PPA1: variants seen among roughly 807,000 people sequenced by gnomAD.
PPA1 encodes the protein inorganic pyrophosphatase.
In PPA1, 23 loss-of-function variants were observed where a neutral mutation model predicts 41.8. The ratio of observed to expected loss-of-function variants is 0.55; its 90% CI spans 0.40 to 0.78. The LOEUF (loss-of-function observed/expected upper bound fraction) is 0.78. Among genes scored for constraint, PPA1 ranks in the 30% least tolerant of loss-of-function variants. The probability of loss-of-function intolerance (pLI) is 0.00; values close to 1 mark genes in which losing one functional copy is unlikely to be tolerated. For missense variants in PPA1, 320 were observed against 361.6 expected, an observed-to-expected ratio of 0.89 and a Z score of 0.93; for synonymous variants, 101 against 116.8, an observed-to-expected ratio of 0.86 and a Z score of 0.87.
chr10:70,205,617 C>T (rs1839930935), intron 9 of PPA1: 1 of 152,012 alleles, frequency 6.6e-6, no homozygotes, highest in Non-Finnish European at 1.5e-5. Flanking sequence ...AAAGATAAAA[C>T]TAAATGTACT....
rs373390723 is a variant in PPA1, at chr10:70,208,730, A to G, written c.725+475T>C. Among the ~76,000 whole-genome samples, 14 of 151,932 alleles carry G rather than the reference A, an allele frequency of 9.2e-5. No homozygotes were observed. In the South Asian group the frequency reaches 2.7e-3, roughly 29 times the overall value. On this transcript the variant is annotated intron_variant, in intron 8 of 10. Transcript: ENST00000373232. ...CAATGTTTTCATTTTATAGGACATTATCCTGACACAGAATAGAAGATTTCT... is the reference window on the plus strand; with the variant it reads ...CAATGTTTTCATTTTATAGGACATTGTCCTGACACAGAATAGAAGATTTCT...
intron 1 of PPA1, among the ~76,000 whole-genome samples, chr10:70,233,026 C>T (rs975428079): frequency 8.5e-5 from 13 of 152,144 alleles, no homozygotes; most frequent in Non-Finnish European, 1.8e-4. Context: ...TACCCCGAGG[C>T]GTGACAAAGG....
At chr10:70,232,839 C>A (rs975522521) in intron 1 of PPA1, among the ~76,000 whole-genome samples, 1 of 151,398 alleles carries the variant, frequency 6.6e-6, no homozygotes, top group African/African-American at 2.5e-5. Flanking sequence ...GAATTAAGGT[C>A]TTTAGGAAGT....
At chr10:70,207,033 T>C (rs1839953247) in intron 8 of PPA1, among the ~76,000 whole-genome samples, 1 of 152,142 alleles carries the variant, frequency 6.6e-6, no homozygotes, top group African/African-American at 2.4e-5. Flanking sequence ...CCTGTAGTGT[T>C]GGTGAGACAT....
Position 70,221,754 on chromosome 10 carries a change from G to A in PPA1, c.124-2937C>T, listed in dbSNP as rs1396845973. The stretch of plus-strand genomic sequence containing the variant: ...AAAGATCAACTGAAGAGCTCGCCAA[G>A]ATTAGCTGTTAATTTCGTTAAAACA... On this transcript the variant is annotated intron_variant, in intron 2 of 10. Coordinates refer to ENST00000373232, the MANE Select transcript of PPA1 (RefSeq NM_021129.4). Among the ~76,000 whole-genome samples, 5 of 152,182 alleles carry A rather than the reference G, an allele frequency of 3.3e-5. No homozygotes were observed. The East Asian group carries it at 9.6e-4, about 29-fold the overall frequency.
chr10:70,207,674 T>C (rs1330936399), intron 8 of PPA1, among the ~76,000 whole-genome samples: 1 of 152,020 alleles, frequency 6.6e-6, no homozygotes, highest in Non-Finnish European at 1.5e-5. Flanking sequence ...ATTATATCTT[T>C]TATGACATGA....
At chr10:70,213,683 G>A in intron 5 of PPA1, 94 bp from the exon 6 acceptor site, 5 of 1,403,112 alleles carry the variant, frequency 3.6e-6, no homozygotes, top group Non-Finnish European at 4.8e-6. Flanking sequence ...AAGAGGCCAA[G>A]TTCTTGAGAA....
chr10:70,206,810 C>T (rs979350012), intron 8 of PPA1, among the ~76,000 whole-genome samples: 6 of 138,606 alleles, frequency 4.3e-5, no homozygotes, highest in African/African-American at 1.6e-4. Context: ...CGCCACTGCA[C>T]TCCAGCCTGG....
Position 70,202,989 on chromosome 10 carries a change from C to T in PPA1, c.*166G>A. 1 of 694,442 alleles carries T rather than the reference C, an allele frequency of 1.4e-6. No homozygotes were observed. Among genetic ancestry groups the T allele is most frequent in the Admixed American group, 2.9e-5 (1 of 34,354 alleles). 43.0% of individuals were successfully genotyped at this position (694,442 alleles called of 1,614,324 possible). A position where few individuals can be genotyped will look rare whatever the true frequency, so the allele number is the denominator to read the frequency against. ...TATCTTAGTTGAGATATGAAAAATG[C>T]TTTAGATGGATAACATTCTGAGTAT... is the stretch of plus-strand genomic sequence containing the variant. On this transcript the variant is annotated 3_prime_UTR_variant, in exon 11 of 11. Transcript: ENST00000373232.
In PPA1 at chr10:70,207,383, T is replaced by C. The variant is rs756420247; in HGVS notation, c.726-1050A>G. Among the ~76,000 whole-genome samples, 11 of 152,216 alleles carry C rather than the reference T, an allele frequency of 7.2e-5. 1 individual carries two copies. Among genetic ancestry groups the C allele is most frequent in the South Asian group, 2.1e-4 (1 of 4,836 alleles). On this transcript the variant is annotated intron_variant, in intron 8 of 10. Transcript: ENST00000373232. ...TTATATTATTAAAATATGATATTTCTAGACTAGGCATGGTGGCTCGCATCT... is the reference window on the plus strand; with the variant it reads ...TTATATTATTAAAATATGATATTTCCAGACTAGGCATGGTGGCTCGCATCT...
chr10:70,223,467 G>T (rs1287527291), intron 2 of PPA1, among the ~76,000 whole-genome samples: 1 of 152,080 alleles, frequency 6.6e-6, no homozygotes, highest in Non-Finnish European at 1.5e-5. Context: ...TGATCCTCCT[G>T]CCTATGCATC....
chr10:70,226,781 T>G (rs557632507), intron 2 of PPA1, among the ~76,000 whole-genome samples: 1 of 152,308 alleles, frequency 6.6e-6, no homozygotes, highest in African/African-American at 2.4e-5. Context: ...AATGCATTTA[T>G]GCCAAATTGC....
At chr10:70,209,519 C>A in intron 7 of PPA1, 39 bp downstream of exon 7, 1 of 1,558,958 alleles carries the variant, frequency 6.4e-7, no homozygotes, top group South Asian at 1.2e-5. Context: ...AGTCTCAATA[C>A]AAATGAGCCT....
intron 2 of PPA1, among the ~76,000 whole-genome samples, chr10:70,221,592 C>T (rs1005167553): frequency 2.0e-5 from 3 of 152,160 alleles, no homozygotes; most frequent in African/African-American, 7.2e-5. Flanking sequence ...ACCTTGTCCA[C>T]TAGGTTTTCA....
At chr10:70,213,032 C>G (rs983738100) in intron 6 of PPA1, among the ~76,000 whole-genome samples, 14 of 152,118 alleles carry the variant, frequency 9.2e-5, no homozygotes, top group Non-Finnish European at 5.9e-5. Flanking sequence ...GGAGTGATTG[C>G]CCATGGATAC....
chr10:70,210,441 T>A (rs559281909), intron 6 of PPA1: 1 of 1,362,912 alleles, frequency 7.3e-7, no homozygotes, highest in African/African-American at 1.5e-5. Flanking sequence ...GAAAAATAGA[T>A]TAGATTGATA....
At chr10:70,220,633 ATAATATATAT>A (rs1840135091) in intron 2 of PPA1, among the ~76,000 whole-genome samples, 1 of 10,414 alleles carries the variant, frequency 9.6e-5, no homozygotes. Context: ...TTATATATAT[ATAATATATAT>A]AATTTATATA....
At chr10:70,233,119 C>A in intron 1 of PPA1, 145 bp downstream of exon 1, 1 of 912,540 alleles carries the variant, frequency 1.1e-6, no homozygotes, top group Non-Finnish European at 1.5e-6. Context: ...CAATGTGAGG[C>A]CGGCCAGGCC....
At chr10:70,204,732 C>T in intron 10 of PPA1, 141 bp downstream of exon 10, 3 of 613,566 alleles carry the variant, frequency 4.9e-6, no homozygotes, top group Admixed American at 3.4e-5. Flanking sequence ...TTAATCATTC[C>T]ACATTGTAAA....
Sources: allele counts gnomAD v4.1 joint callset (sites outside exome capture counted in the v4.1 genomes callset), GRCh38; gene constraint gnomAD v4.1.1; transcripts MANE v1.5; gene names NCBI Gene and HGNC (gene_info 2026-07-23, HGNC 2026-07-21).